PCDH15: variants seen among roughly 807,000 people sequenced by gnomAD.
PCDH15 encodes the protein protocadherin-15.
A neutral mutation model predicts 178.5 loss-of-function variants in PCDH15; 129 were observed. The observed-to-expected ratio is 0.72, with a 90% CI of 0.63 to 0.84. PCDH15 has a LOEUF of 0.84. Among genes scored for constraint, PCDH15 ranks in the 40% least tolerant of loss-of-function variants. The pLI, the probability that PCDH15 is intolerant of heterozygous loss-of-function variation, is 0.00. For missense variants in PCDH15, 2,230 were observed against 2,099.9 expected (o/e 1.06, Z -1.21); for synonymous variants, 800 against 732.0 (o/e 1.09, Z -1.50).
At chr10:54,015,294 TAGAA>T (rs977245865) in intron 20 of PCDH15, among the ~76,000 whole-genome samples, 4 of 152,130 alleles carry the variant, frequency 2.6e-5, no homozygotes, top group African/African-American at 4.8e-5. Flanking sequence ...TGCTTGTGGA[TAGAA>T]AGAATCAATA....
chr10:54,010,360 C>T (rs2092538923), intron 20 of PCDH15, among the ~76,000 whole-genome samples: 1 of 152,122 alleles, frequency 6.6e-6, no homozygotes, highest in Non-Finnish European at 1.5e-5. Flanking sequence ...GGGCCAGTAG[C>T]AGCTCTGTAC....
intron 2 of PCDH15, among the ~76,000 whole-genome samples, chr10:55,326,128 GCTGGT>G (rs1256832156): frequency 6.6e-6 from 1 of 151,960 alleles, no homozygotes; most frequent in Non-Finnish European, 1.5e-5. Context: ...AGAACACCTT[GCTGGT>G]GGGAATGTAA....
chr10:54,133,858 T>TACACAA (rs2042655083), intron 14 of PCDH15, among the ~76,000 whole-genome samples: 1 of 133,856 alleles, frequency 7.5e-6, no homozygotes, highest in African/African-American at 2.6e-5. Context: ...TATGTATACA[T>TACACAA]ACACACACAC....
intron 2 of PCDH15, among the ~76,000 whole-genome samples, chr10:54,556,675 G>C (rs1438135217): frequency 3.5e-5 from 5 of 142,692 alleles, no homozygotes; most frequent in African/African-American, 5.2e-5. Context: ...TTTTCAGTGA[G>C]AGCAGGTTAA....
At chr10:55,237,528 A>C (rs1841414960) in intron 1 of PCDH15, among the ~76,000 whole-genome samples, 1 of 152,180 alleles carries the variant, frequency 6.6e-6, no homozygotes, top group South Asian at 2.1e-4. Flanking sequence ...AGTAGGAGAG[A>C]TTTCAGTAGA....
chr10:54,501,785 T>C (rs2080717206), intron 3 of PCDH15, among the ~76,000 whole-genome samples: 1 of 152,064 alleles, frequency 6.6e-6, no homozygotes, highest in African/African-American at 2.4e-5. Context: ...ATATGATTTG[T>C]TTTATTTGAT....
intron 2 of PCDH15, among the ~76,000 whole-genome samples, chr10:54,574,436 T>G (rs184965350): frequency 3.9e-4 from 60 of 152,128 alleles, no homozygotes; most frequent in Admixed American, 7.9e-4. Context: ...TAGCCTTGTA[T>G]TATAGTTTGA....
At chr10:54,523,582 A>G (rs1398367305) in intron 3 of PCDH15, among the ~76,000 whole-genome samples, 1 of 152,172 alleles carries the variant, frequency 6.6e-6, no homozygotes, top group South Asian at 2.1e-4. Context: ...TGAATTACAT[A>G]AGTAATTCAA....
intron 7 of PCDH15, among the ~76,000 whole-genome samples, chr10:54,324,437 T>C (rs1012065442): frequency 6.6e-6 from 1 of 152,156 alleles, no homozygotes; most frequent in African/African-American, 2.4e-5. Context: ...TAAAATAATT[T>C]AGAAATTATA....
intron 3 of PCDH15, among the ~76,000 whole-genome samples, chr10:54,404,605 C>T (rs534115287): frequency 6.6e-6 from 1 of 152,108 alleles, no homozygotes; most frequent in African/African-American, 2.4e-5. Flanking sequence ...GATGGCATGA[C>T]CAAGATGCCA....
intron 9 of PCDH15, among the ~76,000 whole-genome samples, chr10:54,219,089 T>TAAAAAAAAAA (rs746481539): frequency 3.0e-5 from 3 of 100,114 alleles, no homozygotes; most frequent in South Asian, 3.4e-4. Flanking sequence ...CTGTCTCTAC[T>TAAAAAAAAAA]AAAAAAAAAA....
intron 2 of PCDH15, among the ~76,000 whole-genome samples, chr10:55,534,435 G>T (rs553324600): frequency 6.6e-6 from 1 of 151,936 alleles, no homozygotes; most frequent in Non-Finnish European, 1.5e-5. Context: ...CTTCTCAAAA[G>T]AAAATATACA....
intron 25 of PCDH15, among the ~76,000 whole-genome samples, chr10:53,919,012 T>C (rs2083773659): frequency 1.3e-5 from 2 of 152,196 alleles, no homozygotes; most frequent in South Asian, 4.1e-4. Flanking sequence ...ATCAGTCGAA[T>C]CTAGCAATGG....
chr10:54,103,509 A>G (rs1385647764), intron 15 of PCDH15, among the ~76,000 whole-genome samples: 1 of 152,206 alleles, frequency 6.6e-6, no homozygotes, highest in Admixed American at 6.5e-5. Context: ...GGGCTCTTCA[A>G]AGATGCAGGT....
At chr10:54,866,465 G>A (rs532296361) in intron 3 of PCDH15, among the ~76,000 whole-genome samples, 3 of 151,968 alleles carry the variant, frequency 2.0e-5, no homozygotes, top group Non-Finnish European at 4.4e-5. Flanking sequence ...TCTTTAGAAC[G>A]GCTATAAGCA....
At chr10:54,429,790 G>T (rs1459344253) in intron 3 of PCDH15, among the ~76,000 whole-genome samples, 1 of 152,060 alleles carries the variant, frequency 6.6e-6, no homozygotes, top group African/African-American at 2.4e-5. Context: ...AGGATAAAAT[G>T]ATTGTAAATA....
At chr10:54,470,721 T>C (rs1252112721) in intron 3 of PCDH15, among the ~76,000 whole-genome samples, 1 of 152,172 alleles carries the variant, frequency 6.6e-6, no homozygotes, top group African/African-American at 2.4e-5. Flanking sequence ...AGCCTCTGCA[T>C]ACTCCTTGCC....
Position 55,380,634 on chromosome 10 carries a change from C to G in PCDH15, c.-155-213983G>C, listed in dbSNP as rs558365854. On this transcript the variant is annotated intron_variant, in intron 2 of 5. Transcript: ENST00000613346. ...GTGTTTCTGACCTGTCATACAATCC[C>G]ACTGTGTATGCGGTATTCACCTCAA... Among the ~76,000 whole-genome samples, 6 of 152,224 alleles carry G rather than the reference C, an allele frequency of 3.9e-5. No individual in the cohort carries two copies. The South Asian group carries it at 1.0e-3, about 26-fold the overall frequency.
intron 13 of PCDH15, among the ~76,000 whole-genome samples, chr10:54,154,312 CAT>C (rs140561837): frequency 0.016 from 2,374 of 152,126 alleles, 76 homozygotes; most frequent in African/African-American, 0.055. Context: ...TCAATTTACA[CAT>C]GAGGGAATAT....
Sources: gnomAD v4.1 joint callset for allele counts (sites outside exome capture counted in the v4.1 genomes callset) on GRCh38, gnomAD v4.1.1 for gene constraint, MANE v1.5 for transcripts, NCBI Gene and HGNC (gene_info 2026-07-23, HGNC 2026-07-21) for gene names.